Variants in TMEM51 observed in about 807,000 individuals in gnomAD.
TMEM51 encodes the protein chromosome 1 open reading frame 72.
In TMEM51, 8 loss-of-function variants were observed where a neutral mutation model predicts 13.6. That is an observed-to-expected ratio of 0.59 (90% CI 0.35 to 1.07). The LOEUF is 1.07. Among genes scored for constraint, TMEM51 ranks in the 50% least tolerant of loss-of-function variants. TMEM51 has a pLI of 0.02. For missense variants in TMEM51, 279 were observed against 330.7 expected, an observed-to-expected ratio of 0.84 and a Z score of 1.21; for synonymous variants, 147 against 144.4, an observed-to-expected ratio of 1.02 and a Z score of -0.13.
intron 1 of TMEM51, chr1:15,164,274 A>G (rs549999769): frequency 2.3e-6 from 1 of 438,304 alleles, no homozygotes; most frequent in Non-Finnish European, 4.7e-6. Flanking sequence ...AAGATGCCAC[A>G]TTGCATTTGG....
intron 1 of TMEM51, among the ~76,000 whole-genome samples, chr1:15,188,475 G>T (rs943870860): frequency 1.6e-4 from 25 of 152,230 alleles, no homozygotes; most frequent in African/African-American, 6.0e-4. Context: ...TGAGTGCTCA[G>T]CAAGGTAACC....
chr1:15,197,411 C>T (rs780952009), intron 1 of TMEM51, among the ~76,000 whole-genome samples: 2 of 152,100 alleles, frequency 1.3e-5, no homozygotes, highest in Non-Finnish European at 2.9e-5. Flanking sequence ...TGAGACTGAC[C>T]GGTGCCCCTC....
Position 15,210,495 on chromosome 1 carries a change from T to A in TMEM51, c.-261T>A, listed in dbSNP as rs968431239. 1 of 152,202 alleles carries A rather than the reference T, an allele frequency of 6.6e-6. No homozygotes were observed. Among genetic ancestry groups the A allele is most frequent in the Admixed American group, 6.5e-5 (1 of 15,282 alleles). 9.4% of individuals were successfully genotyped at this position (152,202 alleles called of 1,614,324 possible). On this transcript the variant is annotated 5_prime_UTR_variant, in exon 2 of 4. Transcript: ENST00000376008. ...TCTCTGTGGTTTTTTTATAGGTGGA[T>A]CTTTAACTCAAGACTAGCATGAAGA...
At chr1:15,171,106 C>A in intron 1 of TMEM51, 11 of 854,974 alleles carry the variant, frequency 1.3e-5, no homozygotes, top group South Asian at 1.5e-5. Context: ...TCCTCCTCCA[C>A]CCCCCGCCAC....
chr1:15,213,383 G>T (rs1573450413), intron 2 of TMEM51, among the ~76,000 whole-genome samples: 2 of 152,330 alleles, frequency 1.3e-5, no homozygotes, highest in Middle Eastern at 6.8e-3. Flanking sequence ...ATTTCAAGCA[G>T]CCTGGTCAGT....
Position 15,207,767 on chromosome 1 carries a change from C to G in TMEM51, c.-266-2723C>G, listed in dbSNP as rs751511436. On this transcript the variant is annotated intron_variant, in intron 1 of 3. Transcript: ENST00000376008. The surrounding 1 kb of genome is among the most constrained non-coding windows in gnomAD (Gnocchi z 4.6). ...CAGGCAACCGCTGAAACCTCCAGCC[C>G]CACCAGGGAATACTGATACAGTCAC... 1.1e-4 allele frequency among the ~76,000 whole-genome samples: 16 copies of G among 152,208 alleles called. No homozygotes were observed. Among genetic ancestry groups the G allele is most frequent in the Non-Finnish European group, 1.8e-4 (12 of 68,032 alleles).
chr1:15,206,805 G>C (rs1294834449), intron 1 of TMEM51, among the ~76,000 whole-genome samples: 2 of 152,042 alleles, frequency 1.3e-5, no homozygotes, highest in Non-Finnish European at 2.9e-5. Flanking sequence ...TCTCCAGCTG[G>C]GCAGCCCTCC....
At position 15,162,913 on chromosome 1, in the gene TMEM51, A is replaced by C. The variant is rs571507144; in HGVS notation, c.-267+8959A>C. 2.0e-5 allele frequency among the ~76,000 whole-genome samples: 3 copies of C among 152,132 alleles called. 1 individual carries two copies. Among genetic ancestry groups the C allele is most frequent in the South Asian group, 2.1e-4 (1 of 4,830 alleles). ...AAGGGGTTTCAGTTTTGTAAAATGA[A>C]AGCGTTCTGTGAATGCATGATGGTG... On this transcript the variant is annotated intron_variant, in intron 1 of 3. Coordinates refer to ENST00000376008, the MANE Select transcript of TMEM51 (RefSeq NM_001136218.2).
rs528917336 is a variant in TMEM51 at position 15,198,208 on chromosome 1, C to T, written c.-266-12282C>T. Among the ~76,000 whole-genome samples, 6 of 152,202 alleles carry T rather than the reference C, an allele frequency of 3.9e-5. No homozygotes were observed. The East Asian group carries it at 5.8e-4, about 15-fold the overall frequency. ...GGGGGAGACATGTCTCCTCATTTAA[C>T]ATGTTTCCCTTCCTGAATGTGCCCC... On this transcript the variant is annotated intron_variant, in intron 1 of 3. Coordinates refer to ENST00000376008, the MANE Select transcript of TMEM51 (RefSeq NM_001136218.2).
chr1:15,152,942 C>T (rs1642445430), upstream of TMEM51, among the ~76,000 whole-genome samples: 1 of 152,188 alleles, frequency 6.6e-6, no homozygotes, highest in Admixed American at 6.5e-5. Context: ...AAGTTCTCGG[C>T]AAAGCTGGGG....
intron 1 of TMEM51, among the ~76,000 whole-genome samples, chr1:15,200,901 G>T (rs997481994): frequency 2.0e-5 from 3 of 152,156 alleles, no homozygotes; most frequent in African/African-American, 7.2e-5. Flanking sequence ...CTGACCTAGG[G>T]AAAGTTTCTG....
At chr1:15,158,836 G>A (rs1031165062) in intron 1 of TMEM51, among the ~76,000 whole-genome samples, 2 of 152,170 alleles carry the variant, frequency 1.3e-5, no homozygotes, top group Non-Finnish European at 2.9e-5. Flanking sequence ...TTTGAGCATC[G>A]TTGAGTGGTT....
chr1:15,213,457 C>G (rs1316277), intron 2 of TMEM51, among the ~76,000 whole-genome samples: 1 of 152,104 alleles, frequency 6.6e-6, no homozygotes, highest in African/African-American at 2.4e-5. Flanking sequence ...AGCTAAACAT[C>G]TTGTAAATTT....
chr1:15,168,925 C>T, intron 1 of TMEM51: 1 of 998,750 alleles, frequency 1.0e-6, no homozygotes, highest in Non-Finnish European at 1.3e-6. Context: ...TTTCCCATCA[C>T]TCTTAAGTCA....
intron 1 of TMEM51, among the ~76,000 whole-genome samples, chr1:15,189,803 T>C (rs10927709): frequency 0.6 from 91,643 of 152,152 alleles, 28,314 homozygotes; most frequent in East Asian, 0.93. Context: ...CTGTGGGTTG[T>C]GATTCATCTG....
intron 1 of TMEM51, among the ~76,000 whole-genome samples, chr1:15,178,931 CAT>C (rs1643530203): frequency 6.6e-6 from 1 of 152,216 alleles, no homozygotes; most frequent in Non-Finnish European, 1.5e-5. Flanking sequence ...TTTTAGCCCT[CAT>C]ATGAACGGCT....
chr1:15,217,193 G>T (rs1001116770), intron 3 of TMEM51, among the ~76,000 whole-genome samples: 1 of 151,764 alleles, frequency 6.6e-6, no homozygotes, highest in African/African-American at 2.4e-5. Context: ...GTACACACCA[G>T]AAGAAAAAAA....
chr1:15,173,441 G>A (rs906594203), intron 1 of TMEM51, among the ~76,000 whole-genome samples: 4 of 151,510 alleles, frequency 2.6e-5, no homozygotes, highest in Non-Finnish European at 5.9e-5. Context: ...GGCTGGTCTC[G>A]AACTCCTGAC....
chr1:15,214,054 T>C (rs922190976), intron 2 of TMEM51, among the ~76,000 whole-genome samples: 3 of 145,682 alleles, frequency 2.1e-5, no homozygotes, highest in African/African-American at 5.1e-5. Context: ...GGTTTTACCA[T>C]GTTGGCCAGG....
Sources: gnomAD v4.1 joint callset for allele counts (sites outside exome capture counted in the v4.1 genomes callset) on GRCh38, gnomAD v4.1.1 for gene constraint, Gnocchi (gnomAD v3.1) non-coding constraint, MANE v1.5 for transcripts, NCBI Gene and HGNC (gene_info 2026-07-23, HGNC 2026-07-21) for gene names.